Variants in GFRA1 observed in about 807,000 individuals in gnomAD.
GFRA1 encodes GDNF family receptor alpha-1.
Under a neutral mutation model 51.6 loss-of-function variants are expected in GFRA1, and 16 were observed. That is an observed-to-expected ratio of 0.31 (90% CI 0.21 to 0.47). GFRA1 has a LOEUF of 0.47. Among genes scored for constraint, GFRA1 ranks in the 20% least tolerant of loss-of-function variants. The pLI is 1.00. For synonymous variants in GFRA1, 270 were observed against 241.3 expected (o/e 1.12, Z -1.10); for missense variants, 530 against 594.3 (o/e 0.89, Z 1.13).
At chr10:116,213,075 A>G (rs1965321636) in intron 4 of GFRA1, among the ~76,000 whole-genome samples, 2 of 152,222 alleles carry the variant, frequency 1.3e-5, no homozygotes, top group Non-Finnish European at 2.9e-5. Flanking sequence ...TAGGATTGTA[A>G]AAAGGAATGA....
intron 5 of GFRA1, among the ~76,000 whole-genome samples, chr10:116,169,996 G>A (rs970868773): frequency 2.0e-5 from 3 of 152,086 alleles, no homozygotes; most frequent in Non-Finnish European, 2.9e-5. Context: ...AAAGGCACTC[G>A]CCCCAGCTCC....
At chr10:116,101,275 A>T (rs185622820) in intron 6 of GFRA1, among the ~76,000 whole-genome samples, 18 of 152,130 alleles carry the variant, frequency 1.2e-4, no homozygotes, top group Admixed American at 1.2e-3. Context: ...TAACAAAGAA[A>T]CTCCTCAACT....
intron 5 of GFRA1, among the ~76,000 whole-genome samples, chr10:116,168,000 A>G (rs1960654870): frequency 6.6e-6 from 1 of 152,184 alleles, no homozygotes; most frequent in Admixed American, 6.5e-5. Context: ...TACGGTGTAC[A>G]CTGCTTCCGT....
rs115284978 is a variant in GFRA1, at chr10:116,126,384, G to A, written c.434-827C>T. On this transcript the variant is annotated intron_variant, in intron 5 of 10. Coordinates refer to ENST00000355422, the MANE Select transcript of GFRA1 (RefSeq NM_005264.8). ...CTGTCCACACTGCCTGCTCTGTGCT[G>A]TCCACACCGCCTGCCCTCTGCTGTC... Among the ~76,000 whole-genome samples, 739 of 152,346 alleles carry A rather than the reference G, an allele frequency of 4.9e-3. 6 individuals carry two copies. The highest frequency in any genetic ancestry group is 0.017 in the African/African-American group (696 of 41,582).
chr10:116,061,279 C>CCTGGTTTG lies in GFRA1; in HGVS notation c.*3118_*3119insCAAACCAG, dbSNP rs1233920327. The CCTGGTTTG allele has an allele frequency of 3.3e-5, 5 of 150,720 alleles. No individual in the cohort carries two copies. The highest frequency in any genetic ancestry group is 2.6e-4 in the Admixed American group (4 of 15,152). The allele number at this position is 150,720 out of a possible 1,614,324, so 9.3% of individuals were successfully genotyped here. A position where few individuals can be genotyped will look rare whatever the true frequency, so the allele number is the denominator to read the frequency against. ...AAAAAAAAGAAATGGAAACCACACT[C>CCTGGTTTG]CTATCACATTCTAGATCGTTTGCTA... is the stretch of plus-strand genomic sequence containing the variant. On this transcript the variant is annotated 3_prime_UTR_variant, in exon 11 of 11. Coordinates refer to ENST00000355422, the MANE Select transcript of GFRA1 (RefSeq NM_005264.8).
At chr10:116,090,432 TAAA>T (rs35493394) in intron 8 of GFRA1, among the ~76,000 whole-genome samples, 1 of 121,174 alleles carries the variant, frequency 8.3e-6, no homozygotes, top group Admixed American at 9.0e-5. Flanking sequence ...CCAGTTTCTT[TAAA>T]AAAAAAAAAA....
chr10:116,067,620 T>C (rs1044156837), intron 9 of GFRA1, among the ~76,000 whole-genome samples: 1 of 152,220 alleles, frequency 6.6e-6, no homozygotes. Context: ...TCATTAGCTA[T>C]ACTGCAGGAG....
chr10:116,124,217 T>TTTC lies in GFRA1; in HGVS notation c.770+1001_770+1003dup, dbSNP rs369954258. On this transcript the variant is annotated intron_variant, in intron 6 of 10. Coordinates refer to ENST00000355422, the MANE Select transcript of GFRA1 (RefSeq NM_005264.8). ...ACCGCGCCAGGCCTGTGGTTTTTCT[T>TTTC]TTCTTCTTCTTCTTCTTCTTTTTTT... Among the ~76,000 whole-genome samples, 499 of 150,726 alleles carry TTTC rather than the reference T, an allele frequency of 3.3e-3. 2 individuals are homozygous for TTTC. The highest frequency in any genetic ancestry group is 0.012 in the African/African-American group (476 of 40,966).
At chr10:116,237,693 C>T (rs560290282) in intron 4 of GFRA1, among the ~76,000 whole-genome samples, 1 of 152,106 alleles carries the variant, frequency 6.6e-6, no homozygotes, top group East Asian at 1.9e-4. Context: ...CCTGTCAAAG[C>T]AGTAGAACAA....
chr10:116,086,871 G>A (rs537275841), intron 9 of GFRA1, among the ~76,000 whole-genome samples: 1 of 152,306 alleles, frequency 6.6e-6, no homozygotes, highest in Non-Finnish European at 1.5e-5. Flanking sequence ...AGGCCAGAGT[G>A]CAGTGGTGCA....
At chr10:116,119,143 C>T (rs1957547019) in intron 6 of GFRA1, among the ~76,000 whole-genome samples, 1 of 152,154 alleles carries the variant, frequency 6.6e-6, no homozygotes, top group African/African-American at 2.4e-5. Flanking sequence ...GTGGCGCAGG[C>T]AGAAGGGGCA....
chr10:116,077,081 G>C (rs990089162), intron 9 of GFRA1, among the ~76,000 whole-genome samples: 3 of 152,128 alleles, frequency 2.0e-5, no homozygotes, highest in African/African-American at 7.2e-5. Context: ...TTAGGAGCTG[G>C]GGTTCAGGCA....
chr10:116,260,613 A>G (rs571718941), intron 4 of GFRA1, among the ~76,000 whole-genome samples: 1 of 151,960 alleles, frequency 6.6e-6, no homozygotes, highest in South Asian at 2.1e-4. Flanking sequence ...AGCCCTGTCT[A>G]TGTAAATCCT....
intron 5 of GFRA1, among the ~76,000 whole-genome samples, chr10:116,200,675 T>C (rs117089813): frequency 0.018 from 2,682 of 152,344 alleles, 35 homozygotes; most frequent in South Asian, 0.042. Flanking sequence ...GCTTTCTTCC[T>C]GTGTCCTCAC....
At chr10:116,123,935 G>T (rs1957747807) in intron 6 of GFRA1, among the ~76,000 whole-genome samples, 1 of 152,262 alleles carries the variant, frequency 6.6e-6, no homozygotes, top group African/African-American at 2.4e-5. Context: ...TTGAGACAGG[G>T]TCTCACTCAC....
intron 5 of GFRA1, among the ~76,000 whole-genome samples, chr10:116,163,441 C>T (rs569323918): frequency 6.6e-6 from 1 of 152,222 alleles, no homozygotes; most frequent in Non-Finnish European, 1.5e-5. Flanking sequence ...ACTCAGATTT[C>T]CAGCATCACC....
chr10:116,204,536 G>A (rs771031139), intron 5 of GFRA1, among the ~76,000 whole-genome samples: 21 of 152,092 alleles, frequency 1.4e-4, no homozygotes, highest in Non-Finnish European at 2.1e-4. Flanking sequence ...GTGGGATTAC[G>A]GTGGGAAATA....
chr10:116,229,543 G>A (rs935677077), intron 4 of GFRA1, among the ~76,000 whole-genome samples: 2 of 152,130 alleles, frequency 1.3e-5, no homozygotes, highest in South Asian at 4.1e-4. Flanking sequence ...AATGAAGGGT[G>A]ATGTTCCCAG....
upstream of GFRA1, chr10:116,273,349 T>C (rs1057149443): frequency 6.7e-6 from 1 of 149,984 alleles, no homozygotes; most frequent in Non-Finnish European, 1.5e-5. Flanking sequence ...AAGGGCCGAG[T>C]TGGGCCAGGA....
Sources: allele counts gnomAD v4.1 joint callset (sites outside exome capture counted in the v4.1 genomes callset), GRCh38; gene constraint gnomAD v4.1.1; transcripts MANE v1.5; gene names NCBI Gene and HGNC (gene_info 2026-07-23, HGNC 2026-07-21).